PRH1: variants seen among roughly 807,000 people sequenced by gnomAD.
PRH1 encodes the protein proline rich protein HaeIII subfamily 1, also known as salivary acidic proline-rich phosphoprotein 1/2.
In PRH1, 7 loss-of-function variants were observed where a neutral mutation model predicts 7.9. The observed-to-expected ratio is 0.89, with a 90% CI of 0.50 to 1.67. The LOEUF is 1.67. PRH1 is among the 40% of genes most tolerant of loss of function. The pLI is 0.00. For synonymous variants in PRH1, 45 were observed against 80.8 expected (o/e 0.56, Z 2.38); for missense variants, 109 against 223.6 (o/e 0.49, Z 3.27).
chr12:11,165,978 CT>C (rs1458276624), intron 1 of PRH1: 1 of 152,236 alleles, frequency 6.6e-6, no homozygotes, highest in East Asian at 1.9e-4. Context: ...CTTTGTTCTT[CT>C]CTAGCAACTG....
At chr12:11,150,776 T>G (rs1027591288) in intron 1 of PRH1, among the ~76,000 whole-genome samples, 1 of 152,168 alleles carries the variant, frequency 6.6e-6, no homozygotes, top group African/African-American at 2.4e-5. Flanking sequence ...CATATGTAAC[T>G]TACCTGCACA....
In PRH1 at chr12:11,098,603, T is replaced by C. The variant is rs551352279; in HGVS notation, n.124-51415A>G. On this transcript the variant is annotated intron_variant and non_coding_transcript_variant, in intron 1 of 4. Transcript: ENST00000541977. ...TTTATAACCCAATACATAGATCATA[T>C]AGCAAATGTCTAAAGTCTTAAAGGG... 3.3e-5 allele frequency among the ~76,000 whole-genome samples: 5 copies of C among 152,376 alleles called. No individual in the cohort carries two copies. In the East Asian group the frequency reaches 9.6e-4, roughly 29 times the overall value.
intron 1 of PRH1, among the ~76,000 whole-genome samples, chr12:11,061,013 T>C (rs571364434): frequency 3.7e-5 from 5 of 134,994 alleles, no homozygotes; most frequent in Non-Finnish European, 8.2e-5. Context: ...ATTATAAATA[T>C]AGATCATAAA....
upstream of PRH1, among the ~76,000 whole-genome samples, chr12:10,884,986 C>A (rs186209808): frequency 2.2e-3 from 342 of 152,264 alleles, 1 homozygote; most frequent in Non-Finnish European, 1.8e-3. Context: ...ACTCAGAAAC[C>A]ACCAAGGAAT....
chr12:11,117,506 T>G (rs1255049331), downstream of PRH1, among the ~76,000 whole-genome samples: 1 of 152,154 alleles, frequency 6.6e-6, no homozygotes. Flanking sequence ...AATCTACAGA[T>G]TCAATGCAAT....
chr12:10,939,887 A>G lies in PRH1; in HGVS notation c.-59+33768T>C, dbSNP rs562008310. 3.6e-4 allele frequency among the ~76,000 whole-genome samples: 55 copies of G among 152,318 alleles called. 1 individual carries two copies. In the South Asian group the frequency reaches 0.011, roughly 31 times the overall value. ...AAATATTTGTTACCTGTTATCTGTT[A>G]TATTTATTATCATTTGAATACGTTA... On this transcript the variant is annotated intron_variant, in intron 2 of 3. Coordinates refer to the PRH1 transcript ENST00000539853.
chr12:11,102,546 A>G (rs1945286989), intron 1 of PRH1, among the ~76,000 whole-genome samples: 1 of 152,220 alleles, frequency 6.6e-6, no homozygotes. Context: ...TTAATTCAGG[A>G]TGGATTAAAG....
At chr12:11,010,588 T>A (rs1198049606) in intron 1 of PRH1, among the ~76,000 whole-genome samples, 1 of 151,980 alleles carries the variant, frequency 6.6e-6, no homozygotes, top group Non-Finnish European at 1.5e-5. Flanking sequence ...TACTTCGCCT[T>A]AATCAGGTAA....
chr12:11,121,995 C>T (rs1945922983), intron 1 of PRH1, among the ~76,000 whole-genome samples: 1 of 152,206 alleles, frequency 6.6e-6, no homozygotes, highest in South Asian at 2.1e-4. Flanking sequence ...ATACAATAAA[C>T]TATCATATAA....
rs751016037 is a variant in PRH1 at position 11,091,115 on chromosome 12, C to CACACACATATATAT, written n.124-43928_124-43927insATATATATGTGTGT. Reference sequence around the variant, plus strand: ...ACACAAATACACACACACACACACACATATATATATATATATATATATATA... The same window carrying CACACACATATATAT: ...ACACAAATACACACACACACACACACACACACATATATATATATATATATATATATATATATATA... On this transcript the variant is annotated intron_variant and non_coding_transcript_variant, in intron 1 of 4. Coordinates refer to the PRH1 transcript ENST00000541977. 2.0e-4 allele frequency among the ~76,000 whole-genome samples: 5 copies of CACACACATATATAT among 25,116 alleles called. 1 individual carries two copies. Among genetic ancestry groups the CACACACATATATAT allele is most frequent in the Non-Finnish European group, 3.4e-4 (3 of 8,726 alleles). 16.5% of individuals were successfully genotyped at this position (25,116 alleles called of 152,430 possible).
At chr12:10,911,262 T>C (rs1021351223) in intron 2 of PRH1, among the ~76,000 whole-genome samples, 2 of 152,176 alleles carry the variant, frequency 1.3e-5, no homozygotes, top group Admixed American at 1.3e-4. Context: ...TACTTGCTGG[T>C]ATATGAAAAA....
chr12:11,069,892 C>A (rs550938854), intron 1 of PRH1, among the ~76,000 whole-genome samples: 1 of 152,288 alleles, frequency 6.6e-6, no homozygotes, highest in African/African-American at 2.4e-5. Context: ...TGAAAATTCA[C>A]CACAGAATAT....
chr12:11,105,770 C>T (rs1173211699), intron 1 of PRH1, among the ~76,000 whole-genome samples: 2 of 152,088 alleles, frequency 1.3e-5, no homozygotes, highest in Non-Finnish European at 2.9e-5. Context: ...GGAGCTTGGA[C>T]ATAACTAGGA....
intron 1 of PRH1, among the ~76,000 whole-genome samples, chr12:10,991,875 T>C (rs926651123): frequency 4.6e-5 from 7 of 152,180 alleles, no homozygotes; most frequent in African/African-American, 7.2e-5. Context: ...TCATAGAGCA[T>C]GCAACATGAA....
intron 1 of PRH1, among the ~76,000 whole-genome samples, chr12:11,068,466 T>C (rs747636847): frequency 1.3e-5 from 2 of 152,234 alleles, no homozygotes; most frequent in Non-Finnish European, 2.9e-5. Flanking sequence ...TCATTAATTT[T>C]GATCACTGTA....
intron 2 of PRH1, among the ~76,000 whole-genome samples, chr12:10,915,958 A>G (rs1039587443): frequency 1.3e-5 from 2 of 152,228 alleles, no homozygotes; most frequent in Non-Finnish European, 2.9e-5. Context: ...ACACATGTTG[A>G]GCTAAAACCC....
At chr12:11,113,488 G>T (rs1438345045) in intron 1 of PRH1, among the ~76,000 whole-genome samples, 1 of 152,202 alleles carries the variant, frequency 6.6e-6, no homozygotes, top group Non-Finnish European at 1.5e-5. Context: ...TTGATAAATG[G>T]TGTTGGGCAA....
chr12:11,030,408 A>G, intron 1 of PRH1: 1 of 1,613,246 alleles, frequency 6.2e-7, no homozygotes, highest in Non-Finnish European at 8.5e-7. Flanking sequence ...TCATGAATCT[A>G]TGGAGATGAA....
chr12:11,029,839 T>A (rs1297855442), intron 1 of PRH1, among the ~76,000 whole-genome samples: 3 of 152,160 alleles, frequency 2.0e-5, no homozygotes, highest in Non-Finnish European at 4.4e-5. Context: ...TAATTCTCAT[T>A]GCTTTTTACT....
Sources: allele counts gnomAD v4.1 joint callset (sites outside exome capture counted in the v4.1 genomes callset), GRCh38; gene constraint gnomAD v4.1.1; transcripts MANE v1.5; gene names NCBI Gene and HGNC (gene_info 2026-07-23, HGNC 2026-07-21).